Variants in DSCAM observed in about 807,000 individuals in gnomAD.
DSCAM encodes the protein DS cell adhesion molecule, also known as cell adhesion molecule DSCAM.
Under a neutral mutation model 217.7 loss-of-function variants are expected in DSCAM, and 47 were observed. That is an observed-to-expected ratio of 0.22 (90% CI 0.17 to 0.28). The LOEUF (loss-of-function observed/expected upper bound fraction) is 0.28. Ranked by LOEUF, DSCAM falls within the 10% of genes least tolerant of loss-of-function variation. The pLI, the probability that DSCAM is intolerant of heterozygous loss-of-function variation, is 1.00. For missense variants in DSCAM, 2,080 were observed against 2,618.3 expected, an observed-to-expected ratio of 0.79 and a Z score of 4.49; for synonymous variants, 1,056 against 1,015.3, an observed-to-expected ratio of 1.04 and a Z score of -0.76.
At chr21:40,661,031 G>A (rs1473646306) in intron 3 of DSCAM, among the ~76,000 whole-genome samples, 2 of 152,088 alleles carry the variant, frequency 1.3e-5, no homozygotes, top group East Asian at 3.9e-4. Flanking sequence ...GATTACATTT[G>A]AACACCCCAG....
intron 3 of DSCAM, among the ~76,000 whole-genome samples, chr21:40,414,680 T>A (rs1470761318): frequency 1.3e-5 from 2 of 152,204 alleles, no homozygotes; most frequent in Non-Finnish European, 2.9e-5. Context: ...AATACATTGA[T>A]CCAGTTAGCT....
chr21:40,603,519 T>A (rs1318882933), intron 3 of DSCAM, among the ~76,000 whole-genome samples: 1 of 152,230 alleles, frequency 6.6e-6, no homozygotes, highest in Non-Finnish European at 1.5e-5. Context: ...CCTTTTGTTA[T>A]GTAAATCTGA....
intron 20 of DSCAM, among the ~76,000 whole-genome samples, chr21:40,115,467 T>C (rs1326787629): frequency 6.6e-6 from 1 of 152,124 alleles, no homozygotes; most frequent in Non-Finnish European, 1.5e-5. Flanking sequence ...TAATGTTAAA[T>C]GACTAGTTAA....
intron 6 of DSCAM, among the ~76,000 whole-genome samples, chr21:40,341,731 A>G (rs1459469602): frequency 6.6e-6 from 1 of 152,206 alleles, no homozygotes; most frequent in Admixed American, 6.5e-5. Flanking sequence ...TAATCAGAGT[A>G]CACTTAGAAT....
At chr21:40,145,055 T>G (rs1181130312) in intron 16 of DSCAM, among the ~76,000 whole-genome samples, 1 of 152,202 alleles carries the variant, frequency 6.6e-6, no homozygotes, top group African/African-American at 2.4e-5. Flanking sequence ...GCTCTCATTC[T>G]GTCCTTCATG....
chr21:40,380,907 C>CA (rs1336302994), intron 3 of DSCAM, among the ~76,000 whole-genome samples: 3 of 151,214 alleles, frequency 2.0e-5, no homozygotes, highest in African/African-American at 4.9e-5. Flanking sequence ...ACTAAAAATG[C>CA]AAAAAATTAG....
In DSCAM at chr21:40,282,313, C is replaced by T. The variant is rs2073771477; in HGVS notation, c.2183-6043G>A. ...TATAAGATAGGTAATCTAGGCCGGG[C>T]GCGGTGGCTCACGCCTGTAATCCCA... On this transcript the variant is annotated intron_variant, in intron 10 of 32. Transcript: ENST00000400454. Among the ~76,000 whole-genome samples the T allele has an allele frequency of 2.6e-5, 4 of 152,054 alleles. No individual in the cohort carries two copies. In the South Asian group the frequency reaches 6.2e-4, roughly 24 times the overall value.
intron 3 of DSCAM, among the ~76,000 whole-genome samples, chr21:40,486,606 A>T (rs1212489503): frequency 1.3e-5 from 2 of 152,114 alleles, no homozygotes; most frequent in Non-Finnish European, 2.9e-5. Flanking sequence ...AGGGCCCATA[A>T]CTGTAAAAAA....
At chr21:40,842,634 C>G (rs1050519410) in intron 1 of DSCAM, among the ~76,000 whole-genome samples, 3 of 152,130 alleles carry the variant, frequency 2.0e-5, no homozygotes, top group Admixed American at 2.0e-4. Flanking sequence ...AGTCTCTTGT[C>G]GAAATACTCC....
intron 3 of DSCAM, among the ~76,000 whole-genome samples, chr21:40,462,109 C>A (rs2075810624): frequency 1.3e-5 from 2 of 152,154 alleles, no homozygotes. Context: ...CAGTAGGGAG[C>A]AGATGGGATT....
intron 3 of DSCAM, among the ~76,000 whole-genome samples, chr21:40,487,320 TGTGTGTGA>T (rs1373206643): frequency 2.1e-3 from 247 of 120,126 alleles, no homozygotes; most frequent in African/African-American, 8.5e-3. Context: ...TGTGTGTGTG[TGTGTGTGA>T]GAGAGAGAGA....
intron 4 of DSCAM, among the ~76,000 whole-genome samples, chr21:40,367,655 T>C (rs1372115011): frequency 6.6e-6 from 1 of 152,182 alleles, no homozygotes; most frequent in Admixed American, 6.5e-5. Context: ...TATGGTAGAC[T>C]CTCATATGAG....
At chr21:40,355,730 T>C (rs1028463262) in intron 4 of DSCAM, among the ~76,000 whole-genome samples, 1 of 152,230 alleles carries the variant, frequency 6.6e-6, no homozygotes, top group South Asian at 2.1e-4. Context: ...ATGACTCTTT[T>C]GATCTACCTG....
chr21:40,789,914 G>C (rs773684301), intron 1 of DSCAM, among the ~76,000 whole-genome samples: 2 of 152,108 alleles, frequency 1.3e-5, no homozygotes, highest in Admixed American at 1.3e-4. Flanking sequence ...GAATTCTACC[G>C]TTAGGAGTCA....
At chr21:40,238,277 G>A (rs1223798427) in intron 11 of DSCAM, among the ~76,000 whole-genome samples, 1 of 152,210 alleles carries the variant, frequency 6.6e-6, no homozygotes, top group African/African-American at 2.4e-5. Context: ...CATCTCCAGT[G>A]AAAACGACCC....
intron 3 of DSCAM, among the ~76,000 whole-genome samples, chr21:40,447,513 T>C (rs2075684641): frequency 6.6e-6 from 1 of 152,124 alleles, no homozygotes; most frequent in African/African-American, 2.4e-5. Context: ...TCACAAAACA[T>C]TACTCAAATT....
intron 15 of DSCAM, among the ~76,000 whole-genome samples, chr21:40,175,811 A>ACACACACACACACACG (rs2090722004): frequency 7.1e-5 from 9 of 127,472 alleles, no homozygotes; most frequent in African/African-American, 1.7e-4. Context: ...ACACACACGC[A>ACACACACACACACACG]CACACACACA....
Position 40,792,231 on chromosome 21 carries a change from T to G in DSCAM, c.43+54388A>C, listed in dbSNP as rs549189574. Among the ~76,000 whole-genome samples the G allele has an allele frequency of 3.4e-5, 5 of 149,146 alleles. No homozygotes were observed. The South Asian group carries it at 6.4e-4, about 19-fold the overall frequency. ...TTGGCTCACTGCAACCTCAACTTCC[T>G]GGGTTCAAGCAATTCTCCTGCCTCA... On this transcript the variant is annotated intron_variant, in intron 1 of 32. Coordinates refer to ENST00000400454, the MANE Select transcript of DSCAM (RefSeq NM_001389.5).
At chr21:40,377,463 GAGA>G (rs753943884) in intron 3 of DSCAM, among the ~76,000 whole-genome samples, 73 of 152,076 alleles carry the variant, frequency 4.8e-4, no homozygotes, top group Non-Finnish European at 3.8e-4. Flanking sequence ...CTGGGGTGAG[GAGA>G]AGAAGATGCC....
Sources: gnomAD v4.1 joint callset for allele counts (sites outside exome capture counted in the v4.1 genomes callset) on GRCh38, gnomAD v4.1.1 for gene constraint, MANE v1.5 for transcripts, NCBI Gene and HGNC (gene_info 2026-07-23, HGNC 2026-07-21) for gene names.